Variants in KBTBD13 observed in about 807,000 individuals in gnomAD.
KBTBD13 encodes the protein kelch repeat and BTB domain-containing protein 13.
Under a neutral mutation model 25.4 loss-of-function variants are expected in KBTBD13, and 32 were observed. That is an observed-to-expected ratio of 1.26 (90% CI 0.95 to 1.69). KBTBD13 has a LOEUF of 1.69. Ranked by LOEUF, KBTBD13 falls within the 40% of genes most tolerant of loss-of-function variation. KBTBD13 has a pLI of 0.00. For synonymous variants in KBTBD13, 436 were observed against 329.8 expected, an observed-to-expected ratio of 1.32 and a Z score of -3.49; for missense variants, 898 against 679.5, an observed-to-expected ratio of 1.32 and a Z score of -3.57.
rs1173109332 is a variant in KBTBD13 at position 65,078,459 on chromosome 15, T to G, written c.*267T>G. On this transcript the variant is annotated 3_prime_UTR_variant, in exon 1 of 1. Transcript: ENST00000432196. ...GAGTTGGGATTTGAATAATCCGGGC[T>G]TATATGTAATGGGCTAGTGATTGAG... 6.6e-6 allele frequency among the ~76,000 whole-genome samples: 1 copy of G among 152,212 alleles called. No homozygotes were observed. The highest frequency in any genetic ancestry group is 1.9e-4 in the East Asian group (1 of 5,198).
rs992471402 is a variant in KBTBD13, at chr15:65,079,515, A to G, written c.*1323A>G. 6.6e-6 allele frequency among the ~76,000 whole-genome samples: 1 copy of G among 152,186 alleles called. No individual in the cohort carries two copies. Among genetic ancestry groups the G allele is most frequent in the East Asian group, 1.9e-4 (1 of 5,194 alleles). Reference sequence around the variant, plus strand: ...GACTTCCCTGTCCCAGATTAAAATGATGATGCCTTGAAAGAACCCAGGCTA... The same window carrying G: ...GACTTCCCTGTCCCAGATTAAAATGGTGATGCCTTGAAAGAACCCAGGCTA... On this transcript the variant is annotated 3_prime_UTR_variant, in exon 1 of 1. Coordinates refer to ENST00000432196, the MANE Select transcript of KBTBD13 (RefSeq NM_001101362.3).
rs773607339 is a variant in KBTBD13 at position 65,077,615 on chromosome 15, T to TC, written c.802dup (p.Gln268ProfsTer134). ...CGCCTCTACGCCATCGGCGGCGAAT[T>TC]CCAGAGGACGCCCATCAGCTCCGTG... On this transcript the variant is annotated frameshift_variant, in exon 1 of 1. Coordinates refer to ENST00000432196, the MANE Select transcript of KBTBD13 (RefSeq NM_001101362.3). LOFTEE classifies it high-confidence loss of function. 1.3e-6 allele frequency: 2 copies of TC among 1,585,976 alleles called. No individual in the cohort carries two copies. Among genetic ancestry groups the TC allele is most frequent in the Non-Finnish European group, 1.7e-6 (2 of 1,172,884 alleles).
At position 65,076,982 on chromosome 15, in the gene KBTBD13, G is replaced by C. The variant is rs1242559901; in HGVS notation, c.167G>C (p.Gly56Ala). 6.5e-7 allele frequency: 1 copy of C among 1,539,596 alleles called. No individual in the cohort carries two copies. Among genetic ancestry groups the C allele is most frequent in the Non-Finnish European group, 8.7e-7 (1 of 1,149,068 alleles). The change falls in exon 1 of 1, where the codon GGA (glycine) becomes GCA (alanine). Residue 56 changes from glycine (G) to alanine (A), a missense_variant. Transcript: ENST00000432196. The part of the protein sequence containing the change: ...AEVRLGVLSA[G>A]GFRATLQVLR... ...GTGCGCCTGGGCGTTCTGAGCGCGGGAGGTTTCCGCGCCACGCTGCAGGTG... is the reference window on the plus strand; with the variant it reads ...GTGCGCCTGGGCGTTCTGAGCGCGGCAGGTTTCCGCGCCACGCTGCAGGTG...
chr15:65,079,470 T>A lies in KBTBD13; in HGVS notation c.*1278T>A, dbSNP rs2087018660. On this transcript the variant is annotated 3_prime_UTR_variant, in exon 1 of 1. Transcript: ENST00000432196. ...CGTGTGTGGATTGTAAGGGCAGAGA[T>A]CCTGTTAAGTGAGCTGGGGGACTTC... is the stretch of plus-strand genomic sequence containing the variant. 1.3e-5 allele frequency among the ~76,000 whole-genome samples: 2 copies of A among 152,184 alleles called. No individual in the cohort carries two copies. The highest frequency in any genetic ancestry group is 2.4e-5 in the African/African-American group (1 of 41,444).
In KBTBD13 at chr15:65,077,649, C is replaced by T. The variant is rs769789834; in HGVS notation, c.834C>T (p.Tyr278=). ...CGCCCATCAGCTCCGTGGAGCGCTACGACCCAGCCGCGGGCTGCTGGAGTT... is the reference window on the plus strand; with the variant it reads ...CGCCCATCAGCTCCGTGGAGCGCTATGACCCAGCCGCGGGCTGCTGGAGTT... The part of the protein sequence containing the change: ...QRTPISSVER[Y]DPAAGCWSFV... Residue 278 remains tyrosine (Y), a synonymous_variant, in exon 1 of 1, where the codon TAC becomes TAT. Coordinates refer to ENST00000432196, the MANE Select transcript of KBTBD13 (RefSeq NM_001101362.3). 3.8e-5 allele frequency: 61 copies of T among 1,589,452 alleles called. No individual in the cohort carries two copies. The South Asian group carries it at 5.9e-4, about 15-fold the overall frequency.
rs754708028 is a variant in KBTBD13 at position 65,077,644 on chromosome 15, C to A, written c.829C>A (p.Arg277Ser). 26 of 1,589,898 alleles carry A rather than the reference C, an allele frequency of 1.6e-5. No individual in the cohort carries two copies. The highest frequency in any genetic ancestry group is 2.0e-5 in the Non-Finnish European group (24 of 1,173,956). ...GAGGACGCCCATCAGCTCCGTGGAG[C>A]GCTACGACCCAGCCGCGGGCTGCTG... ...FQRTPISSVERYDPAAGCWSF... is the reference protein window; with the variant it reads ...FQRTPISSVESYDPAAGCWSF... Residue 277 changes from arginine to serine, a missense_variant, in exon 1 of 1, where the codon CGC (arginine) becomes AGC (serine). By Grantham distance (110) the Arg-to-Ser change is moderately radical (BLOSUM62 -1). Transcript: ENST00000432196.
rs2087000027 is a variant in KBTBD13 at position 65,077,778 on chromosome 15, GGAGTACGCAGT to G, written c.965_975del (p.Glu322AlafsTer76). ...GGCCGGCCGACACCACCGCCGTGGTGGAGTACGCAGTGCGGACCGACGCGTGGCTGCCAGTG... is the reference window on the plus strand; with the variant it reads ...GGCCGGCCGACACCACCGCCGTGGTGGCGGACCGACGCGTGGCTGCCAGTG... On this transcript the variant is annotated frameshift_variant, in exon 1 of 1. Transcript: ENST00000432196. LOFTEE classifies it high-confidence loss of function. The G allele has an allele frequency of 6.3e-7, 1 of 1,585,606 alleles. No homozygotes were observed. Among genetic ancestry groups the G allele is most frequent in the Admixed American group, 1.8e-5 (1 of 56,794 alleles).
rs375482474 is a variant in KBTBD13, at chr15:65,077,659, G to A, written c.844G>A (p.Ala282Thr). ...CTCCGTGGAGCGCTACGACCCAGCCGCGGGCTGCTGGAGTTTCGTGGCCGA... is the reference window on the plus strand; with the variant it reads ...CTCCGTGGAGCGCTACGACCCAGCCACGGGCTGCTGGAGTTTCGTGGCCGA... Reference protein sequence around the residue: ...ISSVERYDPAAGCWSFVADLP... With the variant: ...ISSVERYDPATGCWSFVADLP... Residue 282 changes from alanine to threonine, a missense_variant, in exon 1 of 1, where the codon GCG (alanine) becomes ACG (threonine). Transcript: ENST00000432196. 3.8e-4 allele frequency: 605 copies of A among 1,587,548 alleles called. 8 individuals carry two copies. In the South Asian group the frequency reaches 6.7e-3, roughly 18 times the overall value.
rs2086998726 is a variant in KBTBD13, at chr15:65,077,730, C to T, written c.915C>T (p.Gly305=). The T allele has an allele frequency of 1.3e-6, 2 of 1,583,904 alleles. No homozygotes were observed. The highest frequency in any genetic ancestry group is 1.3e-5 in the African/African-American group (1 of 74,444). The change falls in exon 1 of 1, where the codon GGC becomes GGT. Residue 305 remains glycine (G), a synonymous_variant. Transcript: ENST00000432196. ...GCGTGCCCTGCGCCCAGGCTTGTGG[C>T]CGTCTCTTCGTGTGCCTGTGGCGGC... The part of the protein sequence containing the change: ...AAGVPCAQAC[G]RLFVCLWRPA...
At position 65,077,157 on chromosome 15, in the gene KBTBD13, C is replaced by G. The variant is rs538410855; in HGVS notation, c.342C>G (p.Ala114=). 1 of 1,509,674 alleles carries G rather than the reference C, an allele frequency of 6.6e-7. No homozygotes were observed. Among genetic ancestry groups the G allele is most frequent in the South Asian group, 1.2e-5 (1 of 81,408 alleles). The allele number at this position is 1,509,674 out of a possible 1,614,324, so 93.5% of individuals were successfully genotyped here. ...GCGCATTGCTGTGCGACGCGGCCGC[C>G]GCCTTCGGCCTGCGCGACGTGTTCC... The part of the protein sequence containing the change: ...DNCALLCDAA[A]AFGLRDVFHS... Residue 114 remains alanine, a synonymous_variant, in exon 1 of 1, where the codon GCC becomes GCG. Coordinates refer to ENST00000432196, the MANE Select transcript of KBTBD13 (RefSeq NM_001101362.3).
chr15:65,076,856 G>C lies in KBTBD13; in HGVS notation c.41G>C (p.Gly14Ala). Residue 14 changes from glycine to alanine, a missense_variant, in exon 1 of 1, where the codon GGC becomes GCC. Gly to Ala is a moderately conservative substitution (Grantham distance 60). Transcript: ENST00000432196. The part of the protein sequence containing the change: ...GPQTLVQVWV[G>A]GQLFQADRAL... ...CAGACCCTGGTGCAGGTGTGGGTGGGCGGCCAGCTCTTCCAAGCCGACCGC... is the reference window on the plus strand; with the variant it reads ...CAGACCCTGGTGCAGGTGTGGGTGGCCGGCCAGCTCTTCCAAGCCGACCGC... 1 of 1,562,482 alleles carries C rather than the reference G, an allele frequency of 6.4e-7. No individual in the cohort carries two copies. Among genetic ancestry groups the C allele is most frequent in the South Asian group, 1.2e-5 (1 of 85,656 alleles).
Position 65,077,489 on chromosome 15 carries a change from T to TA in KBTBD13, c.675dup (p.Glu226ArgfsTer25). 6.6e-7 allele frequency: 1 copy of TA among 1,525,324 alleles called. No individual in the cohort carries two copies. Among genetic ancestry groups the TA allele is most frequent in the Admixed American group, 2.0e-5 (1 of 51,010 alleles). 94.5% of individuals were successfully genotyped at this position (1,525,324 alleles called of 1,614,324 possible). A position where few individuals can be genotyped will look rare whatever the true frequency, so the allele number is the denominator to read the frequency against. Reference sequence around the variant, plus strand: ...GTGCGCGGCGCCAGCAAGGAGGTGGTAGAGCTGGGCTTCTGCTACGACCCC... The same window carrying TA: ...GTGCGCGGCGCCAGCAAGGAGGTGGTAAGAGCTGGGCTTCTGCTACGACCCC... On this transcript the variant is annotated frameshift_variant, in exon 1 of 1. Coordinates refer to ENST00000432196, the MANE Select transcript of KBTBD13 (RefSeq NM_001101362.3). LOFTEE classifies it high-confidence loss of function.
In KBTBD13 at chr15:65,078,154, G is replaced by A. The variant is rs1447003048; in HGVS notation, c.1339G>A (p.Ala447Thr). Residue 447 changes from alanine (A) to threonine (T), a missense_variant, in exon 1 of 1, where the codon GCT becomes ACT. Coordinates refer to ENST00000432196, the MANE Select transcript of KBTBD13 (RefSeq NM_001101362.3). ...QTFLLRLPPG[A>T]PGPVTSTTAE... ...CTTTCTCCTAAGGCTGCCTCCTGGC[G>A]CTCCTGGGCCTGTGACTTCGACAAC... is the stretch of plus-strand genomic sequence containing the variant. The A allele has an allele frequency of 2.6e-6, 4 of 1,545,986 alleles. No individual in the cohort carries two copies. Among genetic ancestry groups the A allele is most frequent in the Non-Finnish European group, 2.6e-6 (3 of 1,150,880 alleles).
chr15:65,077,231 A>G lies in KBTBD13; in HGVS notation c.416A>G (p.Glu139Gly). Residue 139 changes from glutamate to glycine, a missense_variant, in exon 1 of 1, where the codon GAA becomes GGA. Glu to Gly is a moderately conservative substitution (Grantham distance 98). Coordinates refer to ENST00000432196, the MANE Select transcript of KBTBD13 (RefSeq NM_001101362.3). ...ICDGERELAAELALPEARAYV... is the reference protein window; with the variant it reads ...ICDGERELAAGLALPEARAYV... Reference sequence around the variant, plus strand: ...GACGGCGAGCGCGAGCTGGCGGCCGAACTGGCGCTGCCTGAGGCCCGCGCC... The same window carrying G: ...GACGGCGAGCGCGAGCTGGCGGCCGGACTGGCGCTGCCTGAGGCCCGCGCC... 6.9e-7 allele frequency: 1 copy of G among 1,440,442 alleles called. No homozygotes were observed. The highest frequency in any genetic ancestry group is 9.1e-7 in the Non-Finnish European group (1 of 1,098,428). 89.2% of individuals were successfully genotyped at this position (1,440,442 alleles called of 1,614,324 possible). A position where few individuals can be genotyped will look rare whatever the true frequency, so the allele number is the denominator to read the frequency against.
chr15:65,077,163 C>T lies in KBTBD13; in HGVS notation c.348C>T (p.Phe116=), dbSNP rs1222501717. 3 of 1,508,586 alleles carry T rather than the reference C, an allele frequency of 2.0e-6. No homozygotes were observed. Among genetic ancestry groups the T allele is most frequent in the Admixed American group, 4.2e-5 (2 of 47,930 alleles). 93.5% of individuals were successfully genotyped at this position (1,508,586 alleles called of 1,614,324 possible). ...TGCTGTGCGACGCGGCCGCCGCCTT[C>T]GGCCTGCGCGACGTGTTCCACAGTG... ...CALLCDAAAA[F]GLRDVFHSAA... Residue 116 remains phenylalanine, a synonymous_variant, in exon 1 of 1, where the codon TTC becomes TTT. Transcript: ENST00000432196.
rs371591940 is a variant in KBTBD13, at chr15:65,079,006, G to C, written c.*814G>C. Among the ~76,000 whole-genome samples, 70 of 152,284 alleles carry C rather than the reference G, an allele frequency of 4.6e-4. No homozygotes were observed. The highest frequency in any genetic ancestry group is 1.6e-3 in the African/African-American group (67 of 41,550). On this transcript the variant is annotated 3_prime_UTR_variant, in exon 1 of 1. Coordinates refer to ENST00000432196, the MANE Select transcript of KBTBD13 (RefSeq NM_001101362.3). Reference sequence around the variant, plus strand: ...GGCATCTAGAGAGGGGATGAGACTGGGCCAGCTTGCAGCAGATAATGACTG... The same window carrying C: ...GGCATCTAGAGAGGGGATGAGACTGCGCCAGCTTGCAGCAGATAATGACTG...
In KBTBD13 at chr15:65,077,690, C is replaced by G; in HGVS notation, c.875C>G (p.Pro292Arg). The change falls in exon 1 of 1, where the codon CCG (proline) becomes CGG (arginine). Residue 292 changes from proline to arginine, a missense_variant. By Grantham distance (103) the Pro-to-Arg change is moderately radical (BLOSUM62 -2). Coordinates refer to ENST00000432196, the MANE Select transcript of KBTBD13 (RefSeq NM_001101362.3). ...TGCTGGAGTTTCGTGGCCGACCTGC[C>G]GCAGCCGGCCGCCGGCGTGCCCTGC... ...AGCWSFVADL[P>R]QPAAGVPCAQ... 6.3e-7 allele frequency: 1 copy of G among 1,577,558 alleles called. No individual in the cohort carries two copies.
Position 65,077,878 on chromosome 15 carries a change from G to C in KBTBD13, c.1063G>C (p.Val355Leu). The C allele has an allele frequency of 6.2e-7, 1 of 1,611,828 alleles. No individual in the cohort carries two copies. Among genetic ancestry groups the C allele is most frequent in the South Asian group, 1.1e-5 (1 of 91,076 alleles). The change falls in exon 1 of 1, where the codon GTG becomes CTG. Residue 355 changes from valine (V) to leucine (L), a missense_variant. By Grantham distance (32) the Val-to-Leu change is conservative (BLOSUM62 1). Transcript: ENST00000432196. ...GGTGGCCCACCGCGACAGCCTCTAT[G>C]TGGTGCGCAACGGACCTTCCGACGA... ...CMVAHRDSLY[V>L]VRNGPSDDFL...
rs2087018565 is a variant in KBTBD13 at position 65,079,461 on chromosome 15, G to A, written c.*1269G>A. Among the ~76,000 whole-genome samples, 1 of 152,206 alleles carries A rather than the reference G, an allele frequency of 6.6e-6. No individual in the cohort carries two copies. The highest frequency in any genetic ancestry group is 1.5e-5 in the Non-Finnish European group (1 of 68,048). On this transcript the variant is annotated 3_prime_UTR_variant, in exon 1 of 1. Transcript: ENST00000432196. ...GCACAACCACGTGTGTGGATTGTAA[G>A]GGCAGAGATCCTGTTAAGTGAGCTG... is the stretch of plus-strand genomic sequence containing the variant.
Sources: gnomAD v4.1 joint callset for allele counts (sites outside exome capture counted in the v4.1 genomes callset) on GRCh38, gnomAD v4.1.1 for gene constraint, MANE v1.5 for transcripts, NCBI Gene and HGNC (gene_info 2026-07-23, HGNC 2026-07-21) for gene names.